NBEA: variants seen among roughly 807,000 people sequenced by gnomAD.
The protein encoded by NBEA is neurobeachin.
Under a neutral mutation model 343.4 loss-of-function variants are expected in NBEA, and 44 were observed. The ratio of observed to expected loss-of-function variants is 0.13; its 90% CI spans 0.10 to 0.16. The LOEUF (loss-of-function observed/expected upper bound fraction) is 0.16, where lower values mean the gene tolerates loss of function less well. Ranked by LOEUF, NBEA falls within the 10% of genes least tolerant of loss-of-function variation. The pLI, the probability that NBEA is intolerant of heterozygous loss-of-function variation, is 1.00. For missense variants in NBEA, 2,555 were observed against 3,631.3 expected (o/e 0.70, Z 7.62); for synonymous variants, 1,175 against 1,238.7 (o/e 0.95, Z 1.08).
At chr13:35,065,227 G>A (rs898997565) in intron 8 of NBEA, among the ~76,000 whole-genome samples, 1 of 151,868 alleles carries the variant, frequency 6.6e-6, no homozygotes, top group Non-Finnish European at 1.5e-5. Context: ...AAGCCATTTT[G>A]CCTGGCTATA....
chr13:35,441,992 AC>A (rs1433084384), intron 39 of NBEA, among the ~76,000 whole-genome samples: 2 of 151,954 alleles, frequency 1.3e-5, no homozygotes, highest in African/African-American at 4.8e-5. Flanking sequence ...CTAGCCATCT[AC>A]CCGTATTGGT....
chr13:35,286,886 G>GT (rs943414481), intron 34 of NBEA, among the ~76,000 whole-genome samples: 1 of 151,906 alleles, frequency 6.6e-6, no homozygotes, highest in African/African-American at 2.4e-5. Context: ...AGAACTGCCA[G>GT]TTTTTTTGGA....
At chr13:35,527,268 C>T (rs2078023578) in intron 41 of NBEA, among the ~76,000 whole-genome samples, 2 of 152,082 alleles carry the variant, frequency 1.3e-5, no homozygotes, top group East Asian at 1.9e-4. Flanking sequence ...ACCATCTGAT[C>T]GGCCGAACGG....
At chr13:35,184,593 GA>G (rs959608464) in intron 30 of NBEA, among the ~76,000 whole-genome samples, 6 of 151,468 alleles carry the variant, frequency 4.0e-5, no homozygotes, top group South Asian at 2.1e-4. Context: ...ATAAGCAAAA[GA>G]AAAAAAATCA....
intron 11 of NBEA, among the ~76,000 whole-genome samples, chr13:35,101,664 G>A (rs2065653414): frequency 1.3e-5 from 2 of 151,250 alleles, no homozygotes; most frequent in Admixed American, 1.3e-4. Context: ...ACATTAATTT[G>A]TATTTCCTTG....
chr13:35,154,165 T>C (rs552987692), intron 18 of NBEA, among the ~76,000 whole-genome samples: 1 of 152,322 alleles, frequency 6.6e-6, no homozygotes, highest in East Asian at 1.9e-4. Context: ...CAGGTCAATA[T>C]CTTTTTTATG....
At chr13:35,282,660 G>A (rs1366413864) in intron 34 of NBEA, among the ~76,000 whole-genome samples, 3 of 152,064 alleles carry the variant, frequency 2.0e-5, no homozygotes, top group African/African-American at 7.2e-5. Context: ...AAGACACTCA[G>A]GTCAGTCACC....
chr13:35,655,852 T>A, intron 55 of NBEA, 103 bp downstream of exon 55: 1 of 1,174,030 alleles, frequency 8.5e-7, no homozygotes, highest in Non-Finnish European at 1.2e-6. Context: ...GTAAGGATTT[T>A]AAAATATGAA....
At chr13:35,239,529 C>T (rs147876530) in intron 34 of NBEA, among the ~76,000 whole-genome samples, 18 of 152,012 alleles carry the variant, frequency 1.2e-4, no homozygotes, top group Middle Eastern at 3.4e-3. Flanking sequence ...TATTTTATCC[C>T]GTGTTCTTGA....
chr13:35,257,257 C>G (rs527555759), intron 34 of NBEA, among the ~76,000 whole-genome samples: 59 of 152,174 alleles, frequency 3.9e-4, no homozygotes, highest in Non-Finnish European at 7.2e-4. Context: ...ATGTACAGGT[C>G]AAATTGTCAT....
At chr13:35,242,767 C>T (rs149465979) in intron 34 of NBEA, among the ~76,000 whole-genome samples, 134 of 151,814 alleles carry the variant, frequency 8.8e-4, no homozygotes, top group African/African-American at 2.7e-3. Flanking sequence ...CAAAACAAAA[C>T]AAAAAGAAAC....
In NBEA at chr13:35,275,529, C is replaced by T. The variant is rs1594041084; in HGVS notation, c.5777-14860C>T. On this transcript the variant is annotated intron_variant, in intron 34 of 58. Coordinates refer to ENST00000379939, the MANE Select transcript of NBEA (RefSeq NM_001385012.1). ...GGGATCTAATTAAACTAAAGAGCTT[C>T]TGCACAGCAAAGGAAACTATCATCA... is the stretch of plus-strand genomic sequence containing the variant. Among the ~76,000 whole-genome samples the T allele has an allele frequency of 2.0e-5, 3 of 152,288 alleles. No individual in the cohort carries two copies. The East Asian group carries it at 5.8e-4, about 29-fold the overall frequency.
intron 34 of NBEA, among the ~76,000 whole-genome samples, chr13:35,267,580 A>G (rs1045168757): frequency 6.6e-6 from 1 of 151,968 alleles, no homozygotes; most frequent in Non-Finnish European, 1.5e-5. Flanking sequence ...CCACAGAAAG[A>G]GATACATATT....
chr13:35,337,195 A>C (rs1053824909), intron 36 of NBEA, among the ~76,000 whole-genome samples: 3 of 152,126 alleles, frequency 2.0e-5, no homozygotes, highest in Admixed American at 1.3e-4. Context: ...AAGTGAAATG[A>C]ACTTTCCAAT....
At chr13:35,471,438 C>T (rs2075644233) in intron 40 of NBEA, among the ~76,000 whole-genome samples, 1 of 152,200 alleles carries the variant, frequency 6.6e-6, no homozygotes, top group African/African-American at 2.4e-5. Flanking sequence ...ATGATGCGCC[C>T]TTGCTACCTA....
intron 1 of NBEA, among the ~76,000 whole-genome samples, chr13:34,955,857 T>C (rs2059474238): frequency 6.6e-6 from 1 of 152,134 alleles, no homozygotes; most frequent in African/African-American, 2.4e-5. Context: ...GGGCAATCTG[T>C]TTATACAGTA....
Position 35,173,455 on chromosome 13 carries a change from T to C in NBEA, c.4424-9T>C, listed in dbSNP as rs1204045060. 6.3e-7 allele frequency: 1 copy of C among 1,580,480 alleles called. No individual in the cohort carries two copies. The highest frequency in any genetic ancestry group is 2.3e-5 in the East Asian group (1 of 43,990). On this transcript the variant is annotated splice_polypyrimidine_tract_variant and intron_variant, in intron 26 of 58. Coordinates refer to ENST00000379939, the MANE Select transcript of NBEA (RefSeq NM_001385012.1). ...TATATTAACAATATGTTTTTGAATT[T>C]TTAAATAGTTTGTTGTGTTGCTGTG...
At chr13:35,226,010 A>G (rs1276961700) in intron 33 of NBEA, among the ~76,000 whole-genome samples, 1 of 152,178 alleles carries the variant, frequency 6.6e-6, no homozygotes. Flanking sequence ...ATTATATTTT[A>G]CTAAATACTA....
chr13:35,072,183 C>A (rs926620886), intron 10 of NBEA, among the ~76,000 whole-genome samples: 1 of 151,986 alleles, frequency 6.6e-6, no homozygotes, highest in African/African-American at 2.4e-5. Flanking sequence ...CTAGTCAGTA[C>A]TGTGAAAAGA....
Sources: gnomAD v4.1 joint callset for allele counts (sites outside exome capture counted in the v4.1 genomes callset) on GRCh38, gnomAD v4.1.1 for gene constraint, MANE v1.5 for transcripts, NCBI Gene and HGNC (gene_info 2026-07-23, HGNC 2026-07-21) for gene names.